The following TBPL2 variants were observed in gnomAD, a reference collection of about 807,000 sequenced individuals.
The protein encoded by TBPL2 is TATA box-binding protein-like 2.
A neutral mutation model predicts 38.2 loss-of-function variants in TBPL2; 40 were observed. That is an observed-to-expected ratio of 1.05 (90% CI 0.81 to 1.36). The LOEUF (loss-of-function observed/expected upper bound fraction) is 1.36. Among genes scored for constraint, TBPL2 ranks in the 40% most tolerant of loss-of-function variants. The pLI is 0.00. For missense variants in TBPL2, 461 were observed against 456.7 expected (o/e 1.01, Z -0.09); for synonymous variants, 169 against 171.7 (o/e 0.98, Z 0.12).
intron 6 of TBPL2, among the ~76,000 whole-genome samples, chr14:55,420,424 A>G (rs1885724915): frequency 6.6e-6 from 1 of 152,358 alleles, no homozygotes; most frequent in South Asian, 2.1e-4. Flanking sequence ...ATTTGTCTCT[A>G]AGGCTGAGGC....
At chr14:55,415,686 G>A (rs112999091) in intron 6 of TBPL2, among the ~76,000 whole-genome samples, 3,820 of 152,196 alleles carry the variant, frequency 0.025, 152 homozygotes, top group African/African-American at 0.087. Flanking sequence ...CCAACACGGC[G>A]AAACCCCCGT....
At chr14:55,436,351 C>G (rs1326876785) in intron 2 of TBPL2, among the ~76,000 whole-genome samples, 1 of 152,136 alleles carries the variant, frequency 6.6e-6, no homozygotes, top group Non-Finnish European at 1.5e-5. Flanking sequence ...TTTAAGTCCC[C>G]TCCGCCCACC....
At chr14:55,427,744 C>A (rs565544881) in intron 5 of TBPL2, among the ~76,000 whole-genome samples, 1 of 151,876 alleles carries the variant, frequency 6.6e-6, no homozygotes, top group East Asian at 1.9e-4. Context: ...GCTGTTGAGA[C>A]GGGAAGTCTG....
chr14:55,433,629 C>T lies in TBPL2; in HGVS notation c.788+1G>A, dbSNP rs371131864. ...AGGGGTGGAGGGATGATTCCTCATA[C>T]CTTTTGGCTCCCGTGCAGACCATCT... On this transcript the variant is annotated splice_donor_variant, in intron 4 of 6. Coordinates refer to ENST00000247219, the Ensembl canonical transcript of TBPL2. LOFTEE classifies it high-confidence loss of function. 3 of 1,613,692 alleles carry T rather than the reference C, an allele frequency of 1.9e-6. No homozygotes were observed. Among genetic ancestry groups the T allele is most frequent in the Middle Eastern group, 1.7e-4 (1 of 6,058 alleles).
chr14:55,433,866 A>T, intron 3 of TBPL2, 145 bp from the exon 4 acceptor site: 1 of 607,510 alleles, frequency 1.6e-6, no homozygotes. Context: ...ATTAAGGTTA[A>T]CAAAAATAAT....
At chr14:55,414,598 G>C (rs927908852) in intron 6 of TBPL2, 143 bp from the exon 7 acceptor site, 1 of 619,008 alleles carries the variant, frequency 1.6e-6, no homozygotes, top group Non-Finnish European at 2.6e-6. Flanking sequence ...TTTATTCCGG[G>C]TAAATAATTT....
At chr14:55,429,071 C>T in intron 4 of TBPL2, 97 bp from the exon 5 acceptor site, 1 of 1,435,390 alleles carries the variant, frequency 7.0e-7, no homozygotes, top group South Asian at 1.3e-5. Context: ...CCACGTTTAT[C>T]TTTCAATGTA....
intron 5 of TBPL2, 43 bp downstream of exon 5, chr14:55,428,764 A>C: frequency 6.4e-7 from 1 of 1,572,604 alleles, no homozygotes; most frequent in East Asian, 2.3e-5. Context: ...TGTAACTTAA[A>C]TATCTTGGTA....
intron 6 of TBPL2, among the ~76,000 whole-genome samples, chr14:55,416,205 A>T (rs1398518432): frequency 1.3e-5 from 2 of 152,256 alleles, no homozygotes; most frequent in African/African-American, 4.8e-5. Flanking sequence ...ACTAAATGCC[A>T]CTGAACTGTT....
chr14:55,415,690 C>T (rs986589099), intron 6 of TBPL2, among the ~76,000 whole-genome samples: 2 of 152,000 alleles, frequency 1.3e-5, no homozygotes, highest in African/African-American at 4.8e-5. Flanking sequence ...CACGGCGAAA[C>T]CCCCGTCTCT....
At chr14:55,419,455 T>C (rs1322142228) in intron 6 of TBPL2, among the ~76,000 whole-genome samples, 4 of 152,200 alleles carry the variant, frequency 2.6e-5, no homozygotes, top group African/African-American at 9.7e-5. Flanking sequence ...AACCTAGCTA[T>C]GCTATTAATT....
rs1334180823 is a variant in TBPL2 at position 55,433,707 on chromosome 14, G to A, written c.711C>T (p.Val237=). 9.9e-6 allele frequency: 16 copies of A among 1,614,038 alleles called. No homozygotes were observed. In the South Asian group the frequency reaches 1.8e-4, roughly 18 times the overall value. Residue 237 remains valine, a synonymous_variant, in exon 4 of 7, where the codon GTC becomes GTT. Transcript: ENST00000247219. ...TCCTGGGCTCTCGGATCCTCATTAT[G>A]ACAGCAGCAAACCTCTATACCCAGA...
intron 6 of TBPL2, among the ~76,000 whole-genome samples, chr14:55,417,940 A>ATTAC: frequency 6.6e-6 from 1 of 152,320 alleles, no homozygotes; most frequent in South Asian, 2.1e-4. Flanking sequence ...AGGAAAATAA[A>ATTAC]TTACTTAACC....
chr14:55,422,307 G>A (rs959108992), intron 6 of TBPL2, among the ~76,000 whole-genome samples: 7 of 152,098 alleles, frequency 4.6e-5, no homozygotes, highest in East Asian at 3.9e-4. Context: ...AGTAGACTAC[G>A]CGATCTCAGC....
At chr14:55,425,267 C>T (rs1195940784) in intron 5 of TBPL2, among the ~76,000 whole-genome samples, 2 of 152,168 alleles carry the variant, frequency 1.3e-5, no homozygotes, top group Admixed American at 1.3e-4. Flanking sequence ...CTTTCTCCCA[C>T]TAACCACTTC....
exon 2 of TBPL2, chr14:55,436,895 C>T (rs1272692425): frequency 6.2e-7 from 1 of 1,614,170 alleles, no homozygotes; most frequent in Non-Finnish European, 8.5e-7. Flanking sequence ...GAGAAATCAC[C>T]AGATGTTTCT....
At chr14:55,425,841 G>C (rs928523950) in intron 5 of TBPL2, among the ~76,000 whole-genome samples, 15 of 152,168 alleles carry the variant, frequency 9.9e-5, no homozygotes, top group African/African-American at 1.2e-4. Flanking sequence ...TTTTCTTTTA[G>C]ACAGTGATCT....
chr14:55,414,858 A>T (rs1885645471), intron 6 of TBPL2, among the ~76,000 whole-genome samples: 2 of 152,242 alleles, frequency 1.3e-5, no homozygotes, highest in Non-Finnish European at 2.9e-5. Flanking sequence ...TTGATAACAG[A>T]TGGAGACAAA....
chr14:55,438,493 C>G (rs1038985737), intron 1 of TBPL2, among the ~76,000 whole-genome samples: 1 of 152,122 alleles, frequency 6.6e-6, no homozygotes. Context: ...TCACCTGTCC[C>G]AGATGTAAAG....
Sources: gnomAD v4.1 joint callset for allele counts (sites outside exome capture counted in the v4.1 genomes callset) on GRCh38, gnomAD v4.1.1 for gene constraint, MANE v1.5 for transcripts, NCBI Gene and HGNC (gene_info 2026-07-23, HGNC 2026-07-21) for gene names.